HAPLN1: variants seen among roughly 807,000 people sequenced by gnomAD.
HAPLN1 encodes the protein hyaluronan and proteoglycan link protein 1.
A neutral mutation model predicts 36.5 loss-of-function variants in HAPLN1; 13 were observed. The observed-to-expected ratio is 0.36, with a 90% CI of 0.23 to 0.57. The LOEUF (loss-of-function observed/expected upper bound fraction) is 0.57, where lower values mean the gene tolerates loss of function less well. Among genes scored for constraint, HAPLN1 ranks in the 20% least tolerant of loss-of-function variants. The pLI, the probability that HAPLN1 is intolerant of heterozygous loss-of-function variation, is 0.83. For missense variants in HAPLN1, 407 were observed against 439.7 expected (o/e 0.93, Z 0.66); for synonymous variants, 202 against 169.8 (o/e 1.19, Z -1.48).
chr5:83,697,285 C>A (rs1386201644), intron 1 of HAPLN1, among the ~76,000 whole-genome samples: 1 of 152,092 alleles, frequency 6.6e-6, no homozygotes, highest in Non-Finnish European at 1.5e-5. Flanking sequence ...TAAATTGAAT[C>A]ATATAATTTG....
intron 2 of HAPLN1, among the ~76,000 whole-genome samples, chr5:83,655,129 A>T (rs1750176822): frequency 6.6e-6 from 1 of 152,244 alleles, no homozygotes; most frequent in South Asian, 2.1e-4. Context: ...AAGTAAATAC[A>T]TAAAATGCCA....
At chr5:83,678,334 G>A (rs1192507370) in intron 1 of HAPLN1, among the ~76,000 whole-genome samples, 1 of 151,634 alleles carries the variant, frequency 6.6e-6, no homozygotes, top group Non-Finnish European at 1.5e-5. Context: ...AGGCAGATGG[G>A]TATTTTCCTT....
rs1341756169 is a variant in HAPLN1, at chr5:83,638,021, T to TC, written c.*3474_*3475insG. On this transcript the variant is annotated 3_prime_UTR_variant, in exon 5 of 5. Coordinates refer to ENST00000274341, the MANE Select transcript of HAPLN1 (RefSeq NM_001884.4). Reference sequence around the variant, plus strand: ...AGCGACACCATATAAATGCTCTTTTTTTTTTTTTGACTTTGCAAGAGTACT... The same window carrying TC: ...AGCGACACCATATAAATGCTCTTTTTCTTTTTTTTGACTTTGCAAGAGTACT... 1.3e-5 allele frequency: 2 copies of TC among 151,708 alleles called. No individual in the cohort carries two copies. The highest frequency in any genetic ancestry group is 2.4e-5 in the African/African-American group (1 of 41,338). The allele number at this position is 151,708 out of a possible 1,614,324, so 9.4% of individuals were successfully genotyped here. A position where few individuals can be genotyped will look rare whatever the true frequency, so the allele number is the denominator to read the frequency against.
chr5:83,704,677 A>C (rs1050602300), intron 1 of HAPLN1, among the ~76,000 whole-genome samples: 5 of 152,238 alleles, frequency 3.3e-5, no homozygotes, highest in Non-Finnish European at 5.9e-5. Context: ...AATAATAATA[A>C]GGTGTTCAAT....
chr5:83,703,156 T>A (rs1250544827), intron 1 of HAPLN1, among the ~76,000 whole-genome samples: 1 of 152,202 alleles, frequency 6.6e-6, no homozygotes, highest in Non-Finnish European at 1.5e-5. Context: ...CTGCCCCATT[T>A]GCGTTAACTC....
intron 2 of HAPLN1, among the ~76,000 whole-genome samples, chr5:83,662,275 A>G (rs1168994505): frequency 2.0e-5 from 3 of 152,200 alleles, no homozygotes; most frequent in Non-Finnish European, 4.4e-5. Flanking sequence ...TTTTATGAGA[A>G]ATACACATAG....
chr5:83,712,287 T>TA (rs1302888195), intron 1 of HAPLN1, among the ~76,000 whole-genome samples: 2 of 152,116 alleles, frequency 1.3e-5, no homozygotes, highest in African/African-American at 2.4e-5. Flanking sequence ...ATTATATATA[T>TA]TTTTTTCTGA....
At chr5:83,703,989 A>G (rs4703962) in intron 1 of HAPLN1, among the ~76,000 whole-genome samples, 114,944 of 151,662 alleles carry the variant, frequency 0.76, 43,736 homozygotes, top group East Asian at 0.83. Context: ...AATGTTAAAG[A>G]CAACTAGAGA....
chr5:83,720,066 C>T (rs887848186), intron 1 of HAPLN1, among the ~76,000 whole-genome samples: 4 of 152,174 alleles, frequency 2.6e-5, no homozygotes, highest in Non-Finnish European at 5.9e-5. Flanking sequence ...ACTACTTAAT[C>T]GAAGCCCAAA....
chr5:83,695,548 C>T (rs1436543997), intron 1 of HAPLN1, among the ~76,000 whole-genome samples: 1 of 148,260 alleles, frequency 6.7e-6, no homozygotes, highest in African/African-American at 2.5e-5. Context: ...ATCTATTTTC[C>T]TGTATCTATT....
At chr5:83,658,423 AGTAAACATG>A (rs1490634793) in intron 2 of HAPLN1, among the ~76,000 whole-genome samples, 1 of 152,224 alleles carries the variant, frequency 6.6e-6, no homozygotes, top group Non-Finnish European at 1.5e-5. Flanking sequence ...TGGCTATGGC[AGTAAACATG>A]GATATCTGAG....
chr5:83,668,150 C>CA (rs1335872580), intron 2 of HAPLN1, among the ~76,000 whole-genome samples: 8 of 152,126 alleles, frequency 5.3e-5, no homozygotes, highest in Non-Finnish European at 1.2e-4. Context: ...TGGGATGCAT[C>CA]ACACAAAGAT....
chr5:83,646,023 G>C (rs72771291), intron 3 of HAPLN1, among the ~76,000 whole-genome samples: 3 of 152,286 alleles, frequency 2.0e-5, no homozygotes, highest in Non-Finnish European at 2.9e-5. Context: ...CTTCGTATTT[G>C]ATTTTGCCTA....
intron 1 of HAPLN1, among the ~76,000 whole-genome samples, chr5:83,677,230 A>C (rs1045705518): frequency 6.6e-6 from 1 of 152,154 alleles, no homozygotes; most frequent in Non-Finnish European, 1.5e-5. Context: ...CACATTTTAC[A>C]GCTCTAGAAG....
At position 83,720,845 on chromosome 5, in the gene HAPLN1, G is replaced by A. The variant is rs952545218; in HGVS notation, c.-83C>T. On this transcript the variant is annotated 5_prime_UTR_variant, in exon 1 of 5. Transcript: ENST00000274341. ...TCAAGTTCTGCTTAAGTTGGAAGCT[G>A]GAGATCAAGTGAAGCTAGCGCTCTT... 3 of 152,240 alleles carry A rather than the reference G, an allele frequency of 2.0e-5. No individual in the cohort carries two copies. The highest frequency in any genetic ancestry group is 7.2e-5 in the African/African-American group (3 of 41,448). The allele number at this position is 152,240 out of a possible 1,614,324, so 9.4% of individuals were successfully genotyped here.
At chr5:83,651,702 A>G (rs1409835634) in intron 3 of HAPLN1, among the ~76,000 whole-genome samples, 3 of 136,066 alleles carry the variant, frequency 2.2e-5, no homozygotes, top group Non-Finnish European at 4.8e-5. Context: ...ACCCTTCAGT[A>G]TAAAATAATG....
chr5:83,650,444 G>A (rs1750022202), intron 3 of HAPLN1, among the ~76,000 whole-genome samples: 1 of 151,988 alleles, frequency 6.6e-6, no homozygotes, highest in South Asian at 2.1e-4. Flanking sequence ...AAAGAGCAAA[G>A]ATTGGAATTC....
At chr5:83,660,166 T>A (rs180764018) in intron 2 of HAPLN1, among the ~76,000 whole-genome samples, 3 of 152,274 alleles carry the variant, frequency 2.0e-5, no homozygotes, top group South Asian at 2.1e-4. Context: ...AAGCTATGAT[T>A]TGGTAGGTAT....
At position 83,638,072 on chromosome 5, in the gene HAPLN1, C is replaced by T. The variant is rs1487947990; in HGVS notation, c.*3424G>A. The T allele has an allele frequency of 1.3e-5, 2 of 149,852 alleles. No individual in the cohort carries two copies. Among genetic ancestry groups the T allele is most frequent in the Admixed American group, 6.7e-5 (1 of 15,018 alleles). The allele number at this position is 149,852 out of a possible 1,614,324, so 9.3% of individuals were successfully genotyped here. The stretch of plus-strand genomic sequence containing the variant: ...AGGAAATGAAAATTGTACGTATTTA[C>T]AATTTGAAGTCAAATGTATCAGAAC... On this transcript the variant is annotated 3_prime_UTR_variant, in exon 5 of 5. Transcript: ENST00000274341.
Sources: gnomAD v4.1 joint callset for allele counts (sites outside exome capture counted in the v4.1 genomes callset) on GRCh38, gnomAD v4.1.1 for gene constraint, MANE v1.5 for transcripts, NCBI Gene and HGNC (gene_info 2026-07-23, HGNC 2026-07-21) for gene names.